The following RSRC1 variants were observed in gnomAD, a reference collection of about 807,000 sequenced individuals.
RSRC1 encodes serine/Arginine-related protein 53.
Under a neutral mutation model 49.1 loss-of-function variants are expected in RSRC1, and 39 were observed. The ratio of observed to expected loss-of-function variants is 0.79; its 90% confidence interval spans 0.61 to 1.04. The LOEUF is 1.04. RSRC1 is among the 50% of genes least tolerant of loss of function. RSRC1 has a pLI of 0.00. For synonymous variants in RSRC1, 143 were observed against 130.8 expected, an observed-to-expected ratio of 1.09 and a Z score of -0.63; for missense variants, 388 against 402.4, an observed-to-expected ratio of 0.96 and a Z score of 0.31.
At chr3:158,245,516 C>G (rs907862267) in intron 4 of RSRC1, among the ~76,000 whole-genome samples, 1 of 152,142 alleles carries the variant, frequency 6.6e-6, no homozygotes, top group Non-Finnish European at 1.5e-5. Context: ...TGAAGGAGTT[C>G]TATGGATACC....
In RSRC1 at chr3:158,481,111, G is replaced by A. The variant is rs958670371; in HGVS notation, c.652+20108G>A. Among the ~76,000 whole-genome samples, 3 of 152,162 alleles carry A rather than the reference G, an allele frequency of 2.0e-5. No homozygotes were observed. The East Asian group carries it at 5.8e-4, about 29-fold the overall frequency. On this transcript the variant is annotated intron_variant, in intron 7 of 9. Coordinates refer to ENST00000611884, the MANE Select transcript of RSRC1 (RefSeq NM_001271838.2). ...GCTTTATTCTGGTGGGCTGATTTGT[G>A]GGCCGCTAGGAAGTAGTGTCGTTTA...
chr3:158,361,766 C>T (rs935379240), intron 6 of RSRC1, among the ~76,000 whole-genome samples: 2 of 152,082 alleles, frequency 1.3e-5, no homozygotes, highest in Non-Finnish European at 2.9e-5. Flanking sequence ...TTCTTTTCTA[C>T]CTGGGAAGCT....
At chr3:158,462,275 T>A in intron 7 of RSRC1, among the ~76,000 whole-genome samples, 1 of 151,960 alleles carries the variant, frequency 6.6e-6, no homozygotes, top group East Asian at 1.9e-4. Context: ...GTTATCCTTA[T>A]AATGTGCCCA....
At chr3:158,499,839 A>G (rs1739512639) in intron 7 of RSRC1, among the ~76,000 whole-genome samples, 1 of 152,120 alleles carries the variant, frequency 6.6e-6, no homozygotes, top group Non-Finnish European at 1.5e-5. Context: ...CTCTTTACCT[A>G]TTTGGATGCC....
intron 4 of RSRC1, among the ~76,000 whole-genome samples, chr3:158,240,059 A>G (rs1723481001): frequency 2.0e-5 from 3 of 152,206 alleles, no homozygotes; most frequent in Admixed American, 2.0e-4. Flanking sequence ...TTTACCATCC[A>G]TAGGCATACT....
intron 5 of RSRC1, among the ~76,000 whole-genome samples, chr3:158,300,102 T>C (rs1027237267): frequency 1.3e-5 from 2 of 152,214 alleles, no homozygotes; most frequent in East Asian, 1.9e-4. Context: ...TTTTTACTTA[T>C]GTCATATACC....
intron 4 of RSRC1, among the ~76,000 whole-genome samples, chr3:158,258,040 C>T (rs1421259345): frequency 1.3e-5 from 2 of 151,902 alleles, no homozygotes. Flanking sequence ...ATAGGTTCAT[C>T]TTTTAGTGTT....
chr3:158,449,324 T>C (rs954552387), intron 6 of RSRC1, among the ~76,000 whole-genome samples: 1 of 151,958 alleles, frequency 6.6e-6, no homozygotes, highest in Non-Finnish European at 1.5e-5. Flanking sequence ...GCTGAAACCA[T>C]TGTACTAGAT....
chr3:158,113,371 C>CA (rs1553756619), intron 1 of RSRC1, among the ~76,000 whole-genome samples: 1 of 138,604 alleles, frequency 7.2e-6, no homozygotes, highest in Non-Finnish European at 1.5e-5. Context: ...TGTTTTTTGA[C>CA]TTTTTTTTTT....
chr3:158,405,950 A>G (rs948344827), intron 6 of RSRC1, among the ~76,000 whole-genome samples: 8 of 152,132 alleles, frequency 5.3e-5, no homozygotes, highest in African/African-American at 1.7e-4. Context: ...TCTAATTAAC[A>G]TGATTCTGGA....
intron 6 of RSRC1, among the ~76,000 whole-genome samples, chr3:158,387,316 A>G (rs957026922): frequency 6.6e-6 from 1 of 152,056 alleles, no homozygotes; most frequent in African/African-American, 2.4e-5. Context: ...GTTCTGGACT[A>G]CTCCAACTTT....
At chr3:158,334,483 G>T (rs578173605) in intron 5 of RSRC1, among the ~76,000 whole-genome samples, 1 of 74,496 alleles carries the variant, frequency 1.3e-5, no homozygotes, top group Admixed American at 1.7e-4. Flanking sequence ...TCTAACAGGA[G>T]AATTTTTTTT....
At chr3:158,478,947 GCAAAAA>G (rs1322482612) in intron 7 of RSRC1, among the ~76,000 whole-genome samples, 1 of 44,782 alleles carries the variant, frequency 2.2e-5, no homozygotes, top group African/African-American at 8.7e-5. Context: ...AGGAGAAAAA[GCAAAAA>G]AAAAAAAAAA....
intron 7 of RSRC1, among the ~76,000 whole-genome samples, chr3:158,509,035 C>T (rs1049168863): frequency 1.3e-5 from 2 of 152,176 alleles, no homozygotes; most frequent in Non-Finnish European, 2.9e-5. Context: ...TTTTTTGTTA[C>T]ATCAGCTTAT....
chr3:158,233,909 G>T (rs189455330), intron 4 of RSRC1, among the ~76,000 whole-genome samples: 7 of 152,210 alleles, frequency 4.6e-5, no homozygotes, highest in East Asian at 1.9e-4. Flanking sequence ...AATAACAATT[G>T]TTTGTTGATC....
intron 4 of RSRC1, among the ~76,000 whole-genome samples, chr3:158,271,766 T>C (rs965447118): frequency 1.3e-5 from 2 of 152,104 alleles, no homozygotes; most frequent in African/African-American, 4.8e-5. Flanking sequence ...TTTGGAAAGG[T>C]ATTTTAACCT....
chr3:158,445,266 A>C (rs1560045875), intron 6 of RSRC1, among the ~76,000 whole-genome samples: 1 of 152,216 alleles, frequency 6.6e-6, no homozygotes, highest in Non-Finnish European at 1.5e-5. Context: ...GATGTCCATC[A>C]GTGATAGACT....
chr3:158,285,631 G>A (rs555415528), intron 4 of RSRC1, among the ~76,000 whole-genome samples: 303 of 152,094 alleles, frequency 2.0e-3, no homozygotes, highest in Middle Eastern at 0.01. Context: ...TGGATTCCTA[G>A]GTATTTTATT....
intron 6 of RSRC1, among the ~76,000 whole-genome samples, chr3:158,436,871 A>G (rs1736069635): frequency 6.6e-6 from 1 of 151,980 alleles, no homozygotes; most frequent in African/African-American, 2.4e-5. Flanking sequence ...TATTATTATC[A>G]ATACAATTTC....
Sources: allele counts gnomAD v4.1 joint callset (sites outside exome capture counted in the v4.1 genomes callset), GRCh38; gene constraint gnomAD v4.1.1; transcripts MANE v1.5; gene names NCBI Gene and HGNC (gene_info 2026-07-23, HGNC 2026-07-21).